The following KAZN variants were observed in gnomAD, a reference collection of about 807,000 sequenced individuals.
KAZN encodes the protein kazrin.
A neutral mutation model predicts 87.4 loss-of-function variants in KAZN; 40 were observed. The observed-to-expected ratio is 0.46, with a 90% CI of 0.36 to 0.60. The LOEUF is 0.60. Ranked by LOEUF, KAZN falls within the 20% of genes least tolerant of loss-of-function variation. KAZN has a pLI of 0.00. For synonymous variants in KAZN, 466 were observed against 458.3 expected, an observed-to-expected ratio of 1.02 and a Z score of -0.22; for missense variants, 898 against 1,073.9, an observed-to-expected ratio of 0.84 and a Z score of 2.29.
At chr1:14,455,318 A>C (rs904837080) in intron 2 of KAZN, among the ~76,000 whole-genome samples, 2 of 152,162 alleles carry the variant, frequency 1.3e-5, no homozygotes, top group Admixed American at 6.5e-5. Flanking sequence ...TCTCTCCTCA[A>C]TTCAAATCCA....
At chr1:14,542,124 C>T (rs56882261) in intron 2 of KAZN, among the ~76,000 whole-genome samples, 4,768 of 152,142 alleles carry the variant, frequency 0.031, 175 homozygotes, top group East Asian at 0.15. Flanking sequence ...CATTTGCTCA[C>T]GTAAGACCTG....
intron 1 of KAZN, among the ~76,000 whole-genome samples, chr1:13,979,268 A>C (rs1056363010): frequency 1.3e-5 from 2 of 152,168 alleles, no homozygotes; most frequent in Non-Finnish European, 2.9e-5. Flanking sequence ...ACATACAAAA[A>C]GGAAACCTCA....
intron 1 of KAZN, among the ~76,000 whole-genome samples, chr1:14,921,363 T>C (rs1228610909): frequency 6.6e-6 from 1 of 152,206 alleles, no homozygotes; most frequent in Non-Finnish European, 1.5e-5. Flanking sequence ...TGGTGGCCAA[T>C]GGGCTACATA....
intron 1 of KAZN, among the ~76,000 whole-genome samples, chr1:14,885,477 A>C (rs1283642240): frequency 6.6e-6 from 1 of 151,986 alleles, no homozygotes; most frequent in African/African-American, 2.4e-5. Flanking sequence ...CTGCCTGTAG[A>C]CTCTGACACT....
chr1:14,248,174 T>G (rs1274387792), intron 2 of KAZN, among the ~76,000 whole-genome samples: 1 of 152,190 alleles, frequency 6.6e-6, no homozygotes, highest in East Asian at 1.9e-4. Context: ...AACCGTGGGC[T>G]TTGTGTTTGA....
chr1:14,831,938 T>C (rs1415322975), intron 1 of KAZN, among the ~76,000 whole-genome samples: 1 of 152,126 alleles, frequency 6.6e-6, no homozygotes, highest in African/African-American at 2.4e-5. Flanking sequence ...CTCACACCTG[T>C]ACTCGCAGCA....
At chr1:14,665,582 G>A (rs908578177) in intron 1 of KAZN, among the ~76,000 whole-genome samples, 1 of 152,110 alleles carries the variant, frequency 6.6e-6, no homozygotes, top group Non-Finnish European at 1.5e-5. Flanking sequence ...GCGTGGTTGA[G>A]GGCACAGGTT....
At chr1:15,046,379 C>T (rs973830133) in intron 4 of KAZN, among the ~76,000 whole-genome samples, 1 of 151,822 alleles carries the variant, frequency 6.6e-6, no homozygotes, top group Admixed American at 6.6e-5. Flanking sequence ...TCAAGGTCTT[C>T]ATCCTCGTTG....
chr1:14,958,251 A>G (rs1344208285), intron 1 of KAZN, among the ~76,000 whole-genome samples: 1 of 152,162 alleles, frequency 6.6e-6, no homozygotes, highest in Non-Finnish European at 1.5e-5. Context: ...TGCATTACCA[A>G]TATTGGACCT....
intron 1 of KAZN, among the ~76,000 whole-genome samples, chr1:13,948,689 G>T (rs1384273113): frequency 6.6e-6 from 1 of 151,970 alleles, no homozygotes; most frequent in African/African-American, 2.4e-5. Flanking sequence ...GCCATGAACC[G>T]TTCTTTTTTT....
intron 2 of KAZN, among the ~76,000 whole-genome samples, chr1:14,508,860 C>T (rs572761423): frequency 5.3e-5 from 8 of 152,298 alleles, no homozygotes; most frequent in Middle Eastern, 3.4e-3. Flanking sequence ...GATCAGAACC[C>T]GATCAGACAG....
At chr1:15,049,204 TGTG>T (rs1674027317) in intron 4 of KAZN, among the ~76,000 whole-genome samples, 1 of 152,172 alleles carries the variant, frequency 6.6e-6, no homozygotes, top group Non-Finnish European at 1.5e-5. Context: ...CCTAGTCACA[TGTG>T]GGGCTGGGAG....
At chr1:14,351,916 C>A (rs1043602878) in intron 2 of KAZN, among the ~76,000 whole-genome samples, 1 of 152,154 alleles carries the variant, frequency 6.6e-6, no homozygotes, top group African/African-American at 2.4e-5. Flanking sequence ...CATATATACC[C>A]AGGAATTCTT....
chr1:14,733,441 G>A lies in KAZN; in HGVS notation c.226+134218G>A, dbSNP rs112705962. On this transcript the variant is annotated intron_variant, in intron 1 of 14. Coordinates refer to ENST00000376030, the MANE Select transcript of KAZN (RefSeq NM_201628.3). ...TGCAAATTTTCCAGCAGCCACCGCCGCTGCAACACTTCAGCAATAGTTGAA... is the reference window on the plus strand; with the variant it reads ...TGCAAATTTTCCAGCAGCCACCGCCACTGCAACACTTCAGCAATAGTTGAA... Among the ~76,000 whole-genome samples, 702 of 152,266 alleles carry A rather than the reference G, an allele frequency of 4.6e-3. 5 individuals carry two copies. The highest frequency in any genetic ancestry group is 0.015 in the African/African-American group (626 of 41,544).
intron 2 of KAZN, among the ~76,000 whole-genome samples, chr1:14,354,831 C>T (rs1413666314): frequency 6.6e-6 from 1 of 152,034 alleles, no homozygotes; most frequent in African/African-American, 2.4e-5. Flanking sequence ...TATCCTATGA[C>T]CCAGCAATTC....
chr1:14,020,500 G>A (rs1450228888), intron 1 of KAZN, among the ~76,000 whole-genome samples: 1 of 152,180 alleles, frequency 6.6e-6, no homozygotes, highest in Non-Finnish European at 1.5e-5. Flanking sequence ...TTCACAATAT[G>A]ATTGAGGAAT....
intron 2 of KAZN, among the ~76,000 whole-genome samples, chr1:14,225,569 C>T (rs1647236105): frequency 6.6e-6 from 1 of 151,948 alleles, no homozygotes; most frequent in African/African-American, 2.4e-5. Context: ...CCTGAATAGC[C>T]AAAGCAAGCC....
At chr1:14,238,134 C>G (rs1648595701) in intron 2 of KAZN, among the ~76,000 whole-genome samples, 1 of 152,144 alleles carries the variant, frequency 6.6e-6, no homozygotes, top group Non-Finnish European at 1.5e-5. Flanking sequence ...AGTTATGCAG[C>G]CATCACCACA....
At chr1:14,891,147 A>T (rs1654678380) in intron 1 of KAZN, among the ~76,000 whole-genome samples, 1 of 152,034 alleles carries the variant, frequency 6.6e-6, no homozygotes, top group African/African-American at 2.4e-5. Context: ...CCTGGCAGGA[A>T]TCTGTATTTC....
Sources: allele counts gnomAD v4.1 joint callset (sites outside exome capture counted in the v4.1 genomes callset), GRCh38; gene constraint gnomAD v4.1.1; transcripts MANE v1.5; gene names NCBI Gene and HGNC (gene_info 2026-07-23, HGNC 2026-07-21).